The following ITFG1 variants were observed in gnomAD, a reference collection of about 807,000 sequenced individuals.
ITFG1 encodes T-cell immunomodulatory protein.
Under a neutral mutation model 81.8 loss-of-function variants are expected in ITFG1, and 34 were observed. The observed-to-expected ratio is 0.42, with a 90% CI of 0.32 to 0.55. The LOEUF is 0.55. Among genes scored for constraint, ITFG1 ranks in the 20% least tolerant of loss-of-function variants. ITFG1 has a pLI of 0.17. For missense variants in ITFG1, 672 were observed against 755.4 expected, an observed-to-expected ratio of 0.89 and a Z score of 1.29; for synonymous variants, 285 against 270.6, an observed-to-expected ratio of 1.05 and a Z score of -0.52.
intron 8 of ITFG1, among the ~76,000 whole-genome samples, chr16:47,364,032 C>T (rs1393924209): frequency 6.6e-6 from 1 of 152,192 alleles, no homozygotes; most frequent in Non-Finnish European, 1.5e-5. Flanking sequence ...AGATGGAGGG[C>T]TGGATGCAAT....
At chr16:47,161,103 T>C (rs1964797686) in intron 16 of ITFG1, among the ~76,000 whole-genome samples, 2 of 152,218 alleles carry the variant, frequency 1.3e-5, no homozygotes, top group South Asian at 2.1e-4. Flanking sequence ...TTAAAAGGAA[T>C]AGAATCAATC....
At chr16:47,296,133 G>A (rs970264824) in intron 10 of ITFG1, among the ~76,000 whole-genome samples, 1 of 151,370 alleles carries the variant, frequency 6.6e-6, no homozygotes, top group East Asian at 1.9e-4. Flanking sequence ...GGTAGGTCTC[G>A]CTATGTTGGC....
At chr16:47,376,013 AT>A in intron 6 of ITFG1, 73 bp from the exon 7 acceptor site, 1 of 786,246 alleles carries the variant, frequency 1.3e-6, no homozygotes, top group Non-Finnish European at 2.1e-6. Flanking sequence ...CAGAAAAAAA[AT>A]GCAATACATT....
chr16:47,370,645 C>T (rs1188292180), intron 7 of ITFG1, among the ~76,000 whole-genome samples: 1 of 152,248 alleles, frequency 6.6e-6, no homozygotes, highest in Non-Finnish European at 1.5e-5. Context: ...GGTTGAGCCT[C>T]AGCCTTGCAT....
At chr16:47,168,545 G>GTTTTT (rs758632507) in intron 14 of ITFG1, among the ~76,000 whole-genome samples, 9 of 117,676 alleles carry the variant, frequency 7.6e-5, no homozygotes, top group African/African-American at 1.6e-4. Context: ...CTAATTAAAA[G>GTTTTT]TTTTTTTTTT....
chr16:47,166,335 A>G (rs1964889605), intron 14 of ITFG1, among the ~76,000 whole-genome samples: 1 of 152,250 alleles, frequency 6.6e-6, no homozygotes, highest in Admixed American at 6.5e-5. Context: ...AGAATAATCT[A>G]AGTAAAATTA....
intron 6 of ITFG1, chr16:47,396,146 G>A: frequency 2.0e-6 from 2 of 984,970 alleles, no homozygotes; most frequent in Non-Finnish European, 2.4e-6. Context: ...TGGGTGGTCA[G>A]GAGAAGGAGA....
chr16:47,252,614 C>T (rs941927027), intron 12 of ITFG1, among the ~76,000 whole-genome samples: 1 of 152,194 alleles, frequency 6.6e-6, no homozygotes, highest in Non-Finnish European at 1.5e-5. Flanking sequence ...CTGTAATACG[C>T]AAGGTCCCCG....
chr16:47,446,889 G>A (rs1022751639), intron 5 of ITFG1, among the ~76,000 whole-genome samples: 3 of 149,412 alleles, frequency 2.0e-5, no homozygotes, highest in Non-Finnish European at 4.4e-5. Context: ...TTGAGATAGC[G>A]TCTCACTCTG....
At chr16:47,159,817 C>G (rs2151505497) in intron 16 of ITFG1, among the ~76,000 whole-genome samples, 1 of 152,124 alleles carries the variant, frequency 6.6e-6, no homozygotes, top group South Asian at 2.1e-4. Context: ...TAGCAAGTAG[C>G]TATTGATTTA....
intron 14 of ITFG1, among the ~76,000 whole-genome samples, chr16:47,186,701 A>G (rs1965222673): frequency 6.6e-6 from 1 of 152,248 alleles, no homozygotes; most frequent in Non-Finnish European, 1.5e-5. Context: ...AAACAGGCAC[A>G]AGACAGGGAT....
intron 8 of ITFG1, among the ~76,000 whole-genome samples, chr16:47,362,398 T>C (rs1406523092): frequency 6.6e-6 from 1 of 152,202 alleles, no homozygotes; most frequent in East Asian, 1.9e-4. Context: ...AGAAATTTTG[T>C]TCAACTTTAC....
chr16:47,342,713 C>A (rs750343885), intron 8 of ITFG1, among the ~76,000 whole-genome samples: 15 of 151,928 alleles, frequency 9.9e-5, no homozygotes, highest in Non-Finnish European at 2.1e-4. Context: ...TATAAAACAC[C>A]AATGAAAAAT....
chr16:47,455,668 T>C (rs775874804), intron 2 of ITFG1, among the ~76,000 whole-genome samples: 5 of 147,722 alleles, frequency 3.4e-5, no homozygotes, highest in Admixed American at 6.7e-5. Context: ...ACTTGGGAGG[T>C]TGAGGCAGGA....
At chr16:47,275,000 A>T (rs1966382668) in intron 10 of ITFG1, among the ~76,000 whole-genome samples, 1 of 152,206 alleles carries the variant, frequency 6.6e-6, no homozygotes, top group South Asian at 2.1e-4. Context: ...GAAGAAGGGG[A>T]GGGAAGGAAT....
chr16:47,303,377 G>C (rs762159715), intron 10 of ITFG1, among the ~76,000 whole-genome samples: 1 of 152,130 alleles, frequency 6.6e-6, no homozygotes, highest in Admixed American at 6.5e-5. Flanking sequence ...GTGAGAAAAG[G>C]TGATGGGCTT....
intron 10 of ITFG1, among the ~76,000 whole-genome samples, chr16:47,292,172 C>A (rs544203593): frequency 1.3e-5 from 2 of 152,122 alleles, no homozygotes; most frequent in Admixed American, 6.6e-5. Context: ...CGCCACCACA[C>A]CCAGCTAAGT....
chr16:47,349,834 G>C (rs543294852), intron 8 of ITFG1, among the ~76,000 whole-genome samples: 16 of 152,032 alleles, frequency 1.1e-4, no homozygotes, highest in Non-Finnish European at 1.8e-4. Context: ...AGCAAATGTA[G>C]AAGAACAGAA....
At chr16:47,255,359 T>G (rs762616122) in intron 12 of ITFG1, among the ~76,000 whole-genome samples, 11 of 152,156 alleles carry the variant, frequency 7.2e-5, no homozygotes, top group Non-Finnish European at 1.3e-4. Context: ...AGAAATTACG[T>G]AAATTAGAGT....
Sources: allele counts gnomAD v4.1 joint callset (sites outside exome capture counted in the v4.1 genomes callset), GRCh38; gene constraint gnomAD v4.1.1; transcripts MANE v1.5; gene names NCBI Gene and HGNC (gene_info 2026-07-23, HGNC 2026-07-21).